UBE3C: variants seen among roughly 807,000 people sequenced by gnomAD.
UBE3C encodes the protein ubiquitin protein ligase E3C, also known as ubiquitin-protein ligase E3C.
Under a neutral mutation model 129.4 loss-of-function variants are expected in UBE3C, and 42 were observed. That is an observed-to-expected ratio of 0.32 (90% CI 0.25 to 0.42). UBE3C has a LOEUF of 0.42. Among genes scored for constraint, UBE3C ranks in the 10% least tolerant of loss-of-function variants. The pLI is 1.00. For missense variants in UBE3C, 1,049 were observed against 1,319.1 expected (o/e 0.80, Z 3.17); for synonymous variants, 510 against 492.4 (o/e 1.04, Z -0.47).
At chr7:157,151,498 A>C (rs138097397) in intron 1 of UBE3C, among the ~76,000 whole-genome samples, 1 of 151,968 alleles carries the variant, frequency 6.6e-6, no homozygotes, top group African/African-American at 2.4e-5. Flanking sequence ...TTAAAATGCT[A>C]TTTTTCTAGA....
chr7:157,166,632 C>CG (rs1808221633), intron 2 of UBE3C, among the ~76,000 whole-genome samples: 2 of 151,036 alleles, frequency 1.3e-5, no homozygotes, highest in Non-Finnish European at 2.9e-5. Flanking sequence ...CCCAGCTCCT[C>CG]GGGAGCCTGA....
In UBE3C at chr7:157,181,986, C is replaced by T. The variant is rs367983378; in HGVS notation, c.771-122C>T. The T allele has an allele frequency of 1.2e-5, 13 of 1,069,828 alleles. No homozygotes were observed. The Admixed American group carries it at 1.6e-4, about 13-fold the overall frequency. The allele number at this position is 1,069,828 out of a possible 1,614,324, so 66.3% of individuals were successfully genotyped here. A position where few individuals can be genotyped will look rare whatever the true frequency, so the allele number is the denominator to read the frequency against. ...ATCTAGTTGATATTAAAATGGTTAA[C>T]TTGGCTAATTTAGAAGAGTAGATTA... is the stretch of plus-strand genomic sequence containing the variant. On this transcript the variant is annotated intron_variant, in intron 7 of 22. Transcript: ENST00000348165.
intron 4 of UBE3C, among the ~76,000 whole-genome samples, chr7:157,174,699 G>A (rs534291298): frequency 2.0e-5 from 3 of 152,218 alleles, no homozygotes; most frequent in African/African-American, 7.2e-5. Context: ...TGATCTGCCT[G>A]CCTCAGCCTC....
chr7:157,264,330 G>A (rs1325322073), intron 22 of UBE3C, among the ~76,000 whole-genome samples: 2 of 118,662 alleles, frequency 1.7e-5, no homozygotes, highest in Non-Finnish European at 3.3e-5. Flanking sequence ...TGGTATTACA[G>A]GTGTGAGCCA....
chr7:157,179,381 A>G (rs1180142833), intron 6 of UBE3C, among the ~76,000 whole-genome samples: 2 of 152,190 alleles, frequency 1.3e-5, no homozygotes, highest in African/African-American at 4.8e-5. Flanking sequence ...ACTCAGTGCT[A>G]AAGTTTTAAT....
At chr7:157,153,726 C>T (rs369468087) in intron 1 of UBE3C, among the ~76,000 whole-genome samples, 1 of 152,140 alleles carries the variant, frequency 6.6e-6, no homozygotes, top group East Asian at 1.9e-4. Context: ...CTTTTCCTCC[C>T]GGCACTCTGG....
chr7:157,244,767 A>G (rs186907731), intron 18 of UBE3C, among the ~76,000 whole-genome samples: 2 of 152,216 alleles, frequency 1.3e-5, no homozygotes, highest in East Asian at 1.9e-4. Context: ...TTTTATTTCA[A>G]ATCATTTTGG....
intron 18 of UBE3C, among the ~76,000 whole-genome samples, chr7:157,235,886 CTAAG>C (rs1796140309): frequency 6.6e-6 from 1 of 152,148 alleles, no homozygotes; most frequent in South Asian, 2.1e-4. Flanking sequence ...TTGCTCGGAT[CTAAG>C]TAAGTGTCAT....
chr7:157,195,818 G>A (rs1809104157), intron 10 of UBE3C, among the ~76,000 whole-genome samples: 1 of 152,156 alleles, frequency 6.6e-6, no homozygotes, highest in Non-Finnish European at 1.5e-5. Flanking sequence ...TATGAGTGAC[G>A]TAAATTTATT....
rs201970422 is a variant in UBE3C, at chr7:157,191,796, A to AAT, written c.1331+4783_1331+4784dup. On this transcript the variant is annotated intron_variant, in intron 10 of 22. Transcript: ENST00000348165. Reference sequence around the variant, plus strand: ...GTTTTTCATTGTATGTGTAGAATTAAATATATATACCGTCCATGTGTTTGT... The same window carrying AAT: ...GTTTTTCATTGTATGTGTAGAATTAAATATATATATACCGTCCATGTGTTTGT... Among the ~76,000 whole-genome samples the AAT allele has an allele frequency of 1.9e-3, 284 of 152,318 alleles. 6 individuals carry two copies. The East Asian group carries it at 0.049, about 26-fold the overall frequency.
chr7:157,241,472 A>G (rs557870932), intron 18 of UBE3C, among the ~76,000 whole-genome samples: 1 of 152,354 alleles, frequency 6.6e-6, no homozygotes, highest in South Asian at 2.1e-4. Context: ...AAAGATGGCC[A>G]GCATCACTAG....
At chr7:157,237,887 T>TG (rs1554436060) in intron 18 of UBE3C, among the ~76,000 whole-genome samples, 1 of 111,032 alleles carries the variant, frequency 9.0e-6, no homozygotes, top group African/African-American at 4.8e-5. Context: ...TCTCTACCAC[T>TG]AAAAAAAAAA....
intron 1 of UBE3C, among the ~76,000 whole-genome samples, chr7:157,156,455 T>C (rs6951298): frequency 0.47 from 71,671 of 151,042 alleles, 19,609 homozygotes; most frequent in African/African-American, 0.76. Context: ...TACAGGCGCA[T>C]GTCACCACCC....
rs551079336 is a variant in UBE3C, at chr7:157,267,980, T to C, written c.*225T>C. 2 of 413,252 alleles carry C rather than the reference T, an allele frequency of 4.8e-6. No individual in the cohort carries two copies. The highest frequency in any genetic ancestry group is 4.7e-5 in the South Asian group (1 of 21,448). 25.6% of individuals were successfully genotyped at this position (413,252 alleles called of 1,614,324 possible). ...TCAAATAACTTAAAATAACACGTTA[T>C]GTGCCATGTGGCTACTTTAGTAATA... is the stretch of plus-strand genomic sequence containing the variant. On this transcript the variant is annotated 3_prime_UTR_variant, in exon 23 of 23. Coordinates refer to ENST00000348165, the MANE Select transcript of UBE3C (RefSeq NM_014671.3).
At chr7:157,247,647 G>T (rs1039975384) in intron 18 of UBE3C, among the ~76,000 whole-genome samples, 1 of 151,956 alleles carries the variant, frequency 6.6e-6, no homozygotes, top group South Asian at 2.1e-4. Context: ...AGCTGAGATC[G>T]CGCGGCTGCA....
At chr7:157,145,241 CA>C (rs1025226057) in intron 1 of UBE3C, among the ~76,000 whole-genome samples, 1 of 148,616 alleles carries the variant, frequency 6.7e-6, no homozygotes, top group African/African-American at 2.5e-5. Context: ...ACTCTGTCTC[CA>C]AAAAAAAGAA....
chr7:157,236,642 TGAG>T (rs1311347551), intron 18 of UBE3C, among the ~76,000 whole-genome samples: 5 of 152,202 alleles, frequency 3.3e-5, no homozygotes, highest in Admixed American at 6.5e-5. Flanking sequence ...ACATCTAAAT[TGAG>T]GTGAATACTA....
chr7:157,193,220 T>TA, intron 10 of UBE3C, among the ~76,000 whole-genome samples: 1 of 152,362 alleles, frequency 6.6e-6, no homozygotes, highest in South Asian at 2.1e-4. Flanking sequence ...CAAATTATTA[T>TA]ATATCTGTTT....
intron 17 of UBE3C, among the ~76,000 whole-genome samples, chr7:157,227,632 G>A (rs1035084057): frequency 7.2e-5 from 11 of 151,902 alleles, no homozygotes; most frequent in South Asian, 2.1e-4. Flanking sequence ...CCCGGGAGGC[G>A]GAGGTTGCAG....
Sources: allele counts gnomAD v4.1 joint callset (sites outside exome capture counted in the v4.1 genomes callset), GRCh38; gene constraint gnomAD v4.1.1; transcripts MANE v1.5; gene names NCBI Gene and HGNC (gene_info 2026-07-23, HGNC 2026-07-21).